KANK1: variants seen among roughly 807,000 people sequenced by gnomAD.
KANK1 encodes the protein KN motif and ankyrin repeat domain-containing protein 1.
KANK1 carries 109 observed loss-of-function variants against 106.2 expected under a neutral mutation model. The observed-to-expected ratio is 1.03, with a 90% CI of 0.88 to 1.20. The LOEUF is 1.20. Among genes scored for constraint, KANK1 ranks in the 50% most tolerant of loss-of-function variants. The pLI, the probability that KANK1 is intolerant of heterozygous loss-of-function variation, is 0.00. For synonymous variants in KANK1, 873 were observed against 652.2 expected (o/e 1.34, Z -5.16); for missense variants, 2,399 against 1,710.7 (o/e 1.40, Z -7.10).
chr9:520,598 A>G (rs1274141498), intron 1 of KANK1, among the ~76,000 whole-genome samples: 5 of 151,938 alleles, frequency 3.3e-5, no homozygotes, highest in Admixed American at 1.3e-4. Context: ...ATGGAAGACT[A>G]TATTTAACTC....
At chr9:609,426 A>G (rs1428489142) in intron 1 of KANK1, among the ~76,000 whole-genome samples, 65 of 152,164 alleles carry the variant, frequency 4.3e-4, no homozygotes, top group African/African-American at 1.5e-3. Context: ...TCAGGAGTTC[A>G]AAACCAGCCT....
At chr9:547,561 C>G (rs1282223286) in intron 1 of KANK1, among the ~76,000 whole-genome samples, 1 of 151,550 alleles carries the variant, frequency 6.6e-6, no homozygotes, top group Non-Finnish European at 1.5e-5. Flanking sequence ...CATGTTGAAT[C>G]TGAGATAGGC....
chr9:710,126 G>A (rs1256670848), intron 2 of KANK1, among the ~76,000 whole-genome samples: 1 of 152,082 alleles, frequency 6.6e-6, no homozygotes, highest in Non-Finnish European at 1.5e-5. Flanking sequence ...TGGGTGATGT[G>A]TACACTAGAA....
intron 1 of KANK1, among the ~76,000 whole-genome samples, chr9:628,524 C>G (rs28626827): frequency 0.16 from 23,686 of 152,112 alleles, 2,001 homozygotes; most frequent in Admixed American, 0.18. Context: ...TGCCTCTGCT[C>G]GTCACTTGAG....
chr9:515,277 G>T (rs528232996), intron 1 of KANK1, among the ~76,000 whole-genome samples: 3 of 150,848 alleles, frequency 2.0e-5, no homozygotes, highest in Non-Finnish European at 2.9e-5. Flanking sequence ...CCCAGGAGGC[G>T]GAGCTTGCAG....
At chr9:683,401 A>T (rs1191522067) in intron 2 of KANK1, among the ~76,000 whole-genome samples, 1 of 152,208 alleles carries the variant, frequency 6.6e-6, no homozygotes, top group Non-Finnish European at 1.5e-5. Flanking sequence ...TGCCATAAGC[A>T]CGTAGGTAAG....
intron 1 of KANK1, among the ~76,000 whole-genome samples, chr9:546,148 G>A (rs1468607559): frequency 2.6e-5 from 4 of 152,136 alleles, no homozygotes. Context: ...GCTCTTATGT[G>A]CCACCTTAGC....
At chr9:663,106 A>C (rs1337724924) in intron 1 of KANK1, among the ~76,000 whole-genome samples, 1 of 152,220 alleles carries the variant, frequency 6.6e-6, no homozygotes, top group African/African-American at 2.4e-5. Context: ...TGATCAGAGA[A>C]GGTCATACAA....
intron 1 of KANK1, among the ~76,000 whole-genome samples, chr9:586,430 G>A (rs1452779484): frequency 6.6e-6 from 1 of 152,194 alleles, no homozygotes; most frequent in Non-Finnish European, 1.5e-5. Flanking sequence ...AAGGAAGTTG[G>A]GTTCAGCAGT....
rs545547956 is a variant in KANK1, at chr9:637,503, C to T, written c.-83-39387C>T. On this transcript the variant is annotated intron_variant, in intron 1 of 11. Transcript: ENST00000382297. ...TCACAATCACTTGGGGTACTTAACT[C>T]AAGTACGTATTGCTGGGACTTACCT... Among the ~76,000 whole-genome samples, 3 of 152,242 alleles carry T rather than the reference C, an allele frequency of 2.0e-5. No homozygotes were observed. In the East Asian group the frequency reaches 5.8e-4, roughly 29 times the overall value.
Position 645,126 on chromosome 9 carries a change from CAAAAAA to C in KANK1, c.-83-31749_-83-31744del, listed in dbSNP as rs56391632. ...GCAACGGGGCAAGACTCCATCTCTA[CAAAAAA>C]AAAAAAAAAAAAAAGAATTAGGCTT... On this transcript the variant is annotated intron_variant, in intron 1 of 11. Transcript: ENST00000382297. Among the ~76,000 whole-genome samples the C allele has an allele frequency of 8.6e-3, 613 of 71,112 alleles. 32 individuals are homozygous for C. Among genetic ancestry groups the C allele is most frequent in the African/African-American group, 0.037 (583 of 15,734 alleles). The allele number at this position is 71,112 out of a possible 152,430, so 46.7% of individuals were successfully genotyped here. A position where few individuals can be genotyped will look rare whatever the true frequency, so the allele number is the denominator to read the frequency against.
rs550261694 is a variant in KANK1, at chr9:589,869, C to G, written c.-84+85115C>G. The stretch of plus-strand genomic sequence containing the variant: ...AATTAGAAATGCCTGCCAGAGACCT[C>G]TGCAGGATGCAGGAAGGACCCAGAT... On this transcript the variant is annotated intron_variant, in intron 1 of 11. Transcript: ENST00000382297. Among the ~76,000 whole-genome samples, 3 of 152,270 alleles carry G rather than the reference C, an allele frequency of 2.0e-5. No homozygotes were observed. The South Asian group carries it at 6.2e-4, about 32-fold the overall frequency.
In KANK1 at chr9:730,343, T is replaced by C. The variant is rs1831877326; in HGVS notation, c.2896+95T>C. On this transcript the variant is annotated intron_variant, in intron 4 of 11. Coordinates refer to ENST00000382297, the MANE Select transcript of KANK1 (RefSeq NM_015158.5). ...TGTCAATGTACCTTTTAAATTGACC[T>C]GGAAGAAAGTTAATATCGTTATTTG... 13 of 1,251,024 alleles carry C rather than the reference T, an allele frequency of 1.0e-5. 1 individual carries two copies. In the South Asian group the frequency reaches 1.3e-4, roughly 12 times the overall value. The allele number at this position is 1,251,024 out of a possible 1,614,324, so 77.5% of individuals were successfully genotyped here. A position where few individuals can be genotyped will look rare whatever the true frequency, so the allele number is the denominator to read the frequency against.
At chr9:526,089 C>G (rs973441850) in intron 1 of KANK1, among the ~76,000 whole-genome samples, 2 of 150,470 alleles carry the variant, frequency 1.3e-5, no homozygotes, top group Admixed American at 6.6e-5. Context: ...TTGGAGAACA[C>G]AAAAGTAGGA....
At chr9:598,551 A>T (rs1243166306) in intron 1 of KANK1, among the ~76,000 whole-genome samples, 14 of 146,572 alleles carry the variant, frequency 9.6e-5, no homozygotes, top group African/African-American at 3.6e-4. Context: ...TGTAATTTCC[A>T]GTGTGTAAGT....
chr9:573,027 A>G (rs1587928392), intron 1 of KANK1, among the ~76,000 whole-genome samples: 1 of 152,290 alleles, frequency 6.6e-6, no homozygotes, highest in East Asian at 1.9e-4. Flanking sequence ...TTGTGAGAAA[A>G]TATTTGAGCT....
chr9:633,398 C>T (rs1453960384), intron 1 of KANK1, among the ~76,000 whole-genome samples: 1 of 152,126 alleles, frequency 6.6e-6, no homozygotes, highest in Non-Finnish European at 1.5e-5. Context: ...GCGGAGGTTG[C>T]AGTGAGCCGT....
intron 8 of KANK1, among the ~76,000 whole-genome samples, chr9:740,151 TAATTTTATCCCTGAAG>T (rs1835016062): frequency 6.6e-6 from 1 of 152,200 alleles, no homozygotes; most frequent in South Asian, 2.1e-4. Flanking sequence ...GCCCGAAGGA[TAATTTTATCCCTGAAG>T]ACTCCTTAAG....
At chr9:643,203 A>G (rs1563915675) in intron 1 of KANK1, among the ~76,000 whole-genome samples, 1 of 150,604 alleles carries the variant, frequency 6.6e-6, no homozygotes, top group East Asian at 1.9e-4. Context: ...TTTCATACAG[A>G]TTTTTTGGTG....
Sources: allele counts gnomAD v4.1 joint callset (sites outside exome capture counted in the v4.1 genomes callset), GRCh38; gene constraint gnomAD v4.1.1; transcripts MANE v1.5; gene names NCBI Gene and HGNC (gene_info 2026-07-23, HGNC 2026-07-21).